Variants in CCDC185 observed in about 807,000 individuals in gnomAD.
The protein encoded by CCDC185 is coiled-coil domain-containing protein 185.
For missense variants in CCDC185, 982 were observed against 825.3 expected (o/e 1.19, Z -2.33); for synonymous variants, 381 against 348.1 (o/e 1.09, Z -1.05).
At position 223,395,078 on chromosome 1, in the gene CCDC185, C is replaced by T. The variant is rs775361169; in HGVS notation, c.1603C>T (p.Leu535Phe). The T allele has an allele frequency of 1.9e-6, 3 of 1,614,122 alleles. No individual in the cohort carries two copies. In the Admixed American group the frequency reaches 5.0e-5, roughly 27 times the overall value. Residue 535 changes from leucine to phenylalanine, a missense_variant, in exon 1 of 1, where the codon CTC (leucine) becomes TTC (phenylalanine). Transcript: ENST00000366875. ...GGACAAGGTGCAGCACCTCCGGGAG[C>T]TCAACCACCTGAGGGAGAAAAACCA... ...TRDKVQHLRE[L>F]NHLREKNHHI...
Position 223,393,832 on chromosome 1 carries a change from G to A in CCDC185, c.357G>A (p.Pro119=), listed in dbSNP as rs764300608. The A allele has an allele frequency of 4.8e-5, 76 of 1,596,508 alleles. No individual in the cohort carries two copies. In the Middle Eastern group the frequency reaches 1.1e-3, roughly 23 times the overall value. The change falls in exon 1 of 1, where the codon CCG becomes CCA. Residue 119 remains proline, a synonymous_variant. Transcript: ENST00000366875. The surrounding 1 kb of genome is among the most constrained non-coding windows in gnomAD (Gnocchi z 4.8). ...AWGETGTKPR[P]AWQPQTQLPP... ...GAGAGACAGGAACCAAGCCCCGCCCGGCTTGGCAGCCGCAGACCCAGCTGC... is the reference window on the plus strand; with the variant it reads ...GAGAGACAGGAACCAAGCCCCGCCCAGCTTGGCAGCCGCAGACCCAGCTGC...
Position 223,393,527 on chromosome 1 carries a change from C to G in CCDC185, c.52C>G (p.Pro18Ala). 1 of 1,549,676 alleles carries G rather than the reference C, an allele frequency of 6.5e-7. No individual in the cohort carries two copies. The highest frequency in any genetic ancestry group is 2.4e-5 in the East Asian group (1 of 41,202). Residue 18 changes from proline (P) to alanine (A), a missense_variant, in exon 1 of 1, where the codon CCC (proline) becomes GCC (alanine). Transcript: ENST00000366875. This position sits in a 1 kb window ranked among gnomAD's most constrained non-coding sequence, Gnocchi z 4.8. ...SQPPYRDLWEPPRPGGEREST... is the reference protein window; with the variant it reads ...SQPPYRDLWEAPRPGGEREST... Reference sequence around the variant, plus strand: ...GCCGCCCTACCGGGATCTCTGGGAACCCCCGCGGCCCGGCGGAGAACGAGA... The same window carrying G: ...GCCGCCCTACCGGGATCTCTGGGAAGCCCCGCGGCCCGGCGGAGAACGAGA...
Position 223,394,404 on chromosome 1 carries a change from A to T in CCDC185, c.929A>T (p.Gln310Leu), listed in dbSNP as rs1403658273. 5.1e-6 allele frequency: 8 copies of T among 1,570,262 alleles called. No homozygotes were observed. The highest frequency in any genetic ancestry group is 2.7e-5 in the African/African-American group (2 of 73,920). Residue 310 changes from glutamine (Q) to leucine (L), a missense_variant, in exon 1 of 1, where the codon CAG (glutamine) becomes CTG (leucine). Coordinates refer to ENST00000366875, the MANE Select transcript of CCDC185 (RefSeq NM_152610.3). ...CGCCGGCTGCTGCTGCGGCAGAGCC[A>T]GGAGCAGTGGCAGGAGAAGGAGCAG... ...RERRLLLRQS[Q>L]EQWQEKEQRK...
In CCDC185 at chr1:223,393,698, T is replaced by C. The variant is rs1572166548; in HGVS notation, c.223T>C (p.Cys75Arg). 2.5e-6 allele frequency: 4 copies of C among 1,573,936 alleles called. No individual in the cohort carries two copies. The East Asian group carries it at 9.2e-5, about 36-fold the overall frequency. Residue 75 changes from cysteine to arginine, a missense_variant, in exon 1 of 1, where the codon TGC (cysteine) becomes CGC (arginine). Physicochemically the swap from Cys to Arg is radical, Grantham distance 180 (BLOSUM62 -3). Coordinates refer to ENST00000366875, the MANE Select transcript of CCDC185 (RefSeq NM_152610.3). The surrounding 1 kb of genome is among the most constrained non-coding windows in gnomAD (Gnocchi z 4.8). ...CACCCCGCGGCCTCGCAGGCGCGGGTGCTCAGATTCACTGCGGGGCAGCCG... is the reference window on the plus strand; with the variant it reads ...CACCCCGCGGCCTCGCAGGCGCGGGCGCTCAGATTCACTGCGGGGCAGCCG... ...SFTPRPRRRG[C>R]SDSLRGSRSL...
At position 223,393,626 on chromosome 1, in the gene CCDC185, G is replaced by A; in HGVS notation, c.151G>A (p.Ala51Thr). ...TACSRAGTPG[A>T]ESEAGACWLH... is the part of the protein sequence containing the mutation. ...GTGCTCCCGGGCCGGGACTCCGGGT[G>A]CGGAGAGCGAAGCTGGGGCGTGCTG... Residue 51 changes from alanine (A) to threonine (T), a missense_variant, in exon 1 of 1, where the codon GCG (alanine) becomes ACG (threonine). By Grantham distance (58) the Ala-to-Thr change is moderately conservative. Coordinates refer to ENST00000366875, the MANE Select transcript of CCDC185 (RefSeq NM_152610.3). The surrounding 1 kb of genome is among the most constrained non-coding windows in gnomAD (Gnocchi z 4.8). The A allele has an allele frequency of 6.6e-7, 1 of 1,525,424 alleles. No homozygotes were observed. Among genetic ancestry groups the A allele is most frequent in the East Asian group, 2.4e-5 (1 of 42,478 alleles). 94.5% of individuals were successfully genotyped at this position (1,525,424 alleles called of 1,614,324 possible). A position where few individuals can be genotyped will look rare whatever the true frequency, so the allele number is the denominator to read the frequency against.
In CCDC185 at chr1:223,394,979, C is replaced by T. The variant is rs780602669; in HGVS notation, c.1504C>T (p.Arg502Cys). 53 of 1,613,920 alleles carry T rather than the reference C, an allele frequency of 3.3e-5. No homozygotes were observed. The highest frequency in any genetic ancestry group is 6.7e-5 in the Admixed American group (4 of 59,988). Reference sequence around the variant, plus strand: ...GGAGTCAGAGGAACAGAGGAAGATGCGCAAAAGAATTCTGGTGGAGCTGGC... The same window carrying T: ...GGAGTCAGAGGAACAGAGGAAGATGTGCAAAAGAATTCTGGTGGAGCTGGC... ...AGESEEQRKMRKRILVELADE... is the reference protein window; with the variant it reads ...AGESEEQRKMCKRILVELADE... The change falls in exon 1 of 1, where the codon CGC (arginine) becomes TGC (cysteine). Residue 502 changes from arginine to cysteine, a missense_variant. By Grantham distance (180) the Arg-to-Cys change is radical. Transcript: ENST00000366875.
chr1:223,394,586 C>G lies in CCDC185; in HGVS notation c.1111C>G (p.Arg371Gly). Residue 371 changes from arginine to glycine, a missense_variant, in exon 1 of 1, where the codon CGA becomes GGA. Coordinates refer to ENST00000366875, the MANE Select transcript of CCDC185 (RefSeq NM_152610.3). The stretch of plus-strand genomic sequence containing the variant: ...GAAGGCGCGCGCCCAGGCAGAGCAC[C>G]GAAAACAGTGCCAGGTGCGGCGCCT... ...LEKARAQAEH[R>G]KQCQVRRLRE... The G allele has an allele frequency of 6.2e-7, 1 of 1,610,224 alleles. No homozygotes were observed. Among genetic ancestry groups the G allele is most frequent in the Middle Eastern group, 1.7e-4 (1 of 6,030 alleles).
At position 223,393,574 on chromosome 1, in the gene CCDC185, G is replaced by A; in HGVS notation, c.99G>A (p.Gly33=). 6.5e-7 allele frequency: 1 copy of A among 1,544,488 alleles called. No individual in the cohort carries two copies. The highest frequency in any genetic ancestry group is 1.2e-5 in the South Asian group (1 of 81,740). ...GAGAGTCCACGCAGCGGCTGGGCGG[G>A]CAGAGGTCCGGAGCCGACTCCACCG... is the stretch of plus-strand genomic sequence containing the variant. ...GERESTQRLG[G]QRSGADSTAC... The change falls in exon 1 of 1, where the codon GGG becomes GGA. Residue 33 remains glycine (G), a synonymous_variant. Transcript: ENST00000366875. This position sits in a 1 kb window ranked among gnomAD's most constrained non-coding sequence, Gnocchi z 4.8.
rs573566361 is a variant in CCDC185 at position 223,394,393 on chromosome 1, G to A, written c.918G>A (p.Leu306=). The change falls in exon 1 of 1, where the codon CTG becomes CTA. Residue 306 remains leucine, a synonymous_variant. Coordinates refer to ENST00000366875, the MANE Select transcript of CCDC185 (RefSeq NM_152610.3). ...TGGAGCGGGAGCGCCGGCTGCTGCT[G>A]CGGCAGAGCCAGGAGCAGTGGCAGG... The part of the protein sequence containing the change: ...MTLERERRLL[L]RQSQEQWQEK... 1.0e-5 allele frequency: 16 copies of A among 1,570,456 alleles called. No homozygotes were observed. In the South Asian group the frequency reaches 1.7e-4, roughly 17 times the overall value.
Position 223,395,060 on chromosome 1 carries a change from G to T in CCDC185, c.1585G>T (p.Val529Leu), listed in dbSNP as rs201403855. ...CGTGCACAAGACCACTAGGGACAAG[G>T]TGCAGCACCTCCGGGAGCTCAACCA... ...SHVHKTTRDK[V>L]QHLRELNHLR... Residue 529 changes from valine (V) to leucine (L), a missense_variant, in exon 1 of 1, where the codon GTG becomes TTG. Val to Leu is a conservative substitution (Grantham distance 32). Coordinates refer to ENST00000366875, the MANE Select transcript of CCDC185 (RefSeq NM_152610.3). 46 of 1,613,760 alleles carry T rather than the reference G, an allele frequency of 2.9e-5. No homozygotes were observed. Among genetic ancestry groups the T allele is most frequent in the Non-Finnish European group, 3.9e-5 (46 of 1,179,908 alleles).
In CCDC185 at chr1:223,393,860, C is replaced by T. The variant is rs781356985; in HGVS notation, c.385C>T (p.Pro129Ser). The stretch of plus-strand genomic sequence containing the variant: ...TTGGCAGCCGCAGACCCAGCTGCCA[C>T]CCCAGCGGCCGCAGCCCTGCCCGCA... Reference protein sequence around the residue: ...PAWQPQTQLPPQRPQPCPHYP... With the variant: ...PAWQPQTQLPSQRPQPCPHYP... Residue 129 changes from proline (P) to serine (S), a missense_variant, in exon 1 of 1, where the codon CCC becomes TCC. Pro to Ser is a moderately conservative substitution (Grantham distance 74). Transcript: ENST00000366875. The surrounding 1 kb of genome is among the most constrained non-coding windows in gnomAD (Gnocchi z 4.8). 4 of 1,604,332 alleles carry T rather than the reference C, an allele frequency of 2.5e-6. No homozygotes were observed. The highest frequency in any genetic ancestry group is 1.1e-5 in the South Asian group (1 of 89,958).
chr1:223,394,638 A>C lies in CCDC185; in HGVS notation c.1163A>C (p.Asn388Thr). 1 of 1,613,172 alleles carries C rather than the reference A, an allele frequency of 6.2e-7. No homozygotes were observed. Among genetic ancestry groups the C allele is most frequent in the Middle Eastern group, 1.7e-4 (1 of 6,060 alleles). The change falls in exon 1 of 1, where the codon AAC becomes ACC. Residue 388 changes from asparagine to threonine, a missense_variant. By Grantham distance (65) the Asn-to-Thr change is moderately conservative. Coordinates refer to ENST00000366875, the MANE Select transcript of CCDC185 (RefSeq NM_152610.3). Reference sequence around the variant, plus strand: ...CGGGAGCAGGAGAAGATGCTACGGAACCTCCGGGAGCAGCACAGCCTGCAG... The same window carrying C: ...CGGGAGCAGGAGAAGATGCTACGGACCCTCCGGGAGCAGCACAGCCTGCAG... ...RLREQEKMLR[N>T]LREQHSLQLQ...
Position 223,394,377 on chromosome 1 carries a change from AGCGCCGGCTGCTGCTGCG to A in CCDC185, c.905_922del (p.Arg302_Arg307del). 1 of 1,573,924 alleles carries A rather than the reference AGCGCCGGCTGCTGCTGCG, an allele frequency of 6.4e-7. No individual in the cohort carries two copies. The highest frequency in any genetic ancestry group is 8.6e-7 in the Non-Finnish European group (1 of 1,160,062). ...AAGGTCCAGATGACCCTGGAGCGGGAGCGCCGGCTGCTGCTGCGGCAGAGCCAGGAGCAGTGGCAGGAG... is the reference window on the plus strand; with the variant it reads ...AAGGTCCAGATGACCCTGGAGCGGGAGCAGAGCCAGGAGCAGTGGCAGGAG... On this transcript the variant is annotated inframe_deletion, in exon 1 of 1. Coordinates refer to ENST00000366875, the MANE Select transcript of CCDC185 (RefSeq NM_152610.3).
Position 223,393,660 on chromosome 1 carries a change from C to A in CCDC185, c.185C>A (p.Pro62Gln). Reference protein sequence around the residue: ...ESEAGACWLHPHCSFTPRPRR... With the variant: ...ESEAGACWLHQHCSFTPRPRR... ...GAAGCTGGGGCGTGCTGGCTGCACC[C>A]GCACTGTTCGTTCACCCCGCGGCCT... The change falls in exon 1 of 1, where the codon CCG becomes CAG. Residue 62 changes from proline (P) to glutamine (Q), a missense_variant. Pro to Gln is a moderately conservative substitution (Grantham distance 76). Coordinates refer to ENST00000366875, the MANE Select transcript of CCDC185 (RefSeq NM_152610.3). This position sits in a 1 kb window ranked among gnomAD's most constrained non-coding sequence, Gnocchi z 4.8. The A allele has an allele frequency of 1.9e-6, 3 of 1,562,870 alleles. No individual in the cohort carries two copies. The highest frequency in any genetic ancestry group is 2.6e-6 in the Non-Finnish European group (3 of 1,159,498).
chr1:223,394,202 C>G lies in CCDC185; in HGVS notation c.727C>G (p.Leu243Val). 1 of 1,614,014 alleles carries G rather than the reference C, an allele frequency of 6.2e-7. No homozygotes were observed. The highest frequency in any genetic ancestry group is 8.5e-7 in the Non-Finnish European group (1 of 1,180,036). Residue 243 changes from leucine (L) to valine (V), a missense_variant, in exon 1 of 1, where the codon CTG becomes GTG. Leu to Val is a conservative substitution (Grantham distance 32). Coordinates refer to ENST00000366875, the MANE Select transcript of CCDC185 (RefSeq NM_152610.3). ...KEMRSPHTQV[L>V]KSKLEEVVVS... is the part of the protein sequence containing the mutation. ...GATGCGGAGCCCGCACACCCAGGTC[C>G]TGAAGAGCAAGCTGGAAGAGGTGGT...
At chr1:223,394,765 C>A in the CCDC185 span, 1 of 1,612,438 alleles carries the variant, frequency 6.2e-7, no homozygotes, top group Non-Finnish European at 8.5e-7. Flanking sequence ...TCATCAATTA[C>A]CAGGCCCGGA....
chr1:223,394,703 CT>C, the CCDC185 span: 2 of 1,611,928 alleles, frequency 1.2e-6, no homozygotes, highest in Non-Finnish European at 1.7e-6. Context: ...CAAGAGGCAC[CT>C]ACATGCCGTG....
chr1:223,393,949 T>C lies in CCDC185; in HGVS notation c.474T>C (p.Ser158=). The change falls in exon 1 of 1, where the codon AGT becomes AGC. Residue 158 remains serine (S), a synonymous_variant. Transcript: ENST00000366875. The surrounding 1 kb of genome is among the most constrained non-coding windows in gnomAD (Gnocchi z 4.8). The stretch of plus-strand genomic sequence containing the variant: ...CCGGAGGAGCTGGCACTCCCCTGAG[T>C]GGCACATTCAGGGTAGAAAAGGCAC... The part of the protein sequence containing the change: ...PCPGGAGTPL[S]GTFRVEKAQG... 3.1e-6 allele frequency: 5 copies of C among 1,613,620 alleles called. No homozygotes were observed. Among genetic ancestry groups the C allele is most frequent in the Non-Finnish European group, 4.2e-6 (5 of 1,179,918 alleles).
Position 223,394,230 on chromosome 1 carries a change from T to A in CCDC185, c.755T>A (p.Val252Glu). The A allele has an allele frequency of 1.9e-6, 3 of 1,613,912 alleles. No homozygotes were observed. Among genetic ancestry groups the A allele is most frequent in the Non-Finnish European group, 2.5e-6 (3 of 1,180,032 alleles). Residue 252 changes from valine to glutamate, a missense_variant, in exon 1 of 1, where the codon GTG (valine) becomes GAG (glutamate). Transcript: ENST00000366875. The stretch of plus-strand genomic sequence containing the variant: ...AAGAGCAAGCTGGAAGAGGTGGTGG[T>A]GTCCTCCCAGGACCAGCAGATTGTG... Reference protein sequence around the residue: ...VLKSKLEEVVVSSQDQQIVAL... With the variant: ...VLKSKLEEVVESSQDQQIVAL...
Sources: gnomAD v4.1 joint callset for allele counts on GRCh38, gnomAD v4.1.1 for gene constraint, Gnocchi (gnomAD v3.1) non-coding constraint, MANE v1.5 for transcripts, NCBI Gene and HGNC (gene_info 2026-07-23, HGNC 2026-07-21) for gene names.